The following ING5 variants were observed in gnomAD, a reference collection of about 807,000 sequenced individuals.
The protein encoded by ING5 is inhibitor of growth protein 5.
Under a neutral mutation model 37.4 loss-of-function variants are expected in ING5, and 17 were observed. The observed-to-expected ratio is 0.45, with a 90% CI of 0.31 to 0.68. The LOEUF is 0.68. Ranked by LOEUF, ING5 falls within the 30% of genes least tolerant of loss-of-function variation. ING5 has a pLI of 0.05. For synonymous variants in ING5, 123 were observed against 116.6 expected (o/e 1.06, Z -0.36); for missense variants, 233 against 311.9 (o/e 0.75, Z 1.91).
chr2:241,723,081 G>T lies in ING5; in HGVS notation c.618+7G>T, dbSNP rs1365120082. The stretch of plus-strand genomic sequence containing the variant: ...TGGCTGTGACAATCCAGACGTGAGT[G>T]TCGCCTGCAGGATTCGCGCCATGGG... On this transcript the variant is annotated splice_region_variant and intron_variant, in intron 6 of 7. Transcript: ENST00000313552. The T allele has an allele frequency of 1.2e-6, 2 of 1,614,138 alleles. No homozygotes were observed. Among genetic ancestry groups the T allele is most frequent in the African/African-American group, 2.7e-5 (2 of 74,956 alleles).
chr2:241,719,383 T>G, intron 5 of ING5: 15 of 591,384 alleles, frequency 2.5e-5, no homozygotes, highest in East Asian at 6.5e-5. Context: ...CACCCCCCAC[T>G]CTGGCTGCAG....
intron 5 of ING5, among the ~76,000 whole-genome samples, chr2:241,714,985 C>T (rs969509155): frequency 2.0e-5 from 3 of 152,022 alleles, no homozygotes; most frequent in Admixed American, 6.6e-5. Context: ...TGTTTCTACT[C>T]TCTATTTCCT....
intron 2 of ING5, among the ~76,000 whole-genome samples, chr2:241,705,437 G>A (rs1315851849): frequency 4.2e-5 from 5 of 119,974 alleles, no homozygotes; most frequent in East Asian, 5.4e-4. Context: ...TCACTCTGTT[G>A]CCCAGGCTAG....
intron 2 of ING5, among the ~76,000 whole-genome samples, chr2:241,705,636 G>A (rs577298557): frequency 2.9e-4 from 43 of 148,314 alleles, no homozygotes; most frequent in Non-Finnish European, 6.1e-4. Context: ...TTGATCTACT[G>A]ACCTCATGAT....
chr2:241,716,396 G>A (rs926739942), intron 5 of ING5, among the ~76,000 whole-genome samples: 2 of 148,246 alleles, frequency 1.3e-5, no homozygotes, highest in African/African-American at 2.5e-5. Context: ...AGGTTCAAGC[G>A]ATTCTCATGC....
intron 5 of ING5, among the ~76,000 whole-genome samples, chr2:241,715,120 ATATAT>A (rs1156374195): frequency 6.6e-5 from 10 of 151,998 alleles, no homozygotes; most frequent in Admixed American, 1.3e-4. Context: ...ACAAATTTTG[ATATAT>A]TATGATTTTG....
chr2:241,729,351 C>T lies in ING5; in HGVS notation c.*4320C>T, dbSNP rs1284726906. ...TTCAAGGAATTATTATCTATGTTCC[C>T]TTTGTAAAGGAAAGATAATGTTGTA... is the stretch of plus-strand genomic sequence containing the variant. On this transcript the variant is annotated 3_prime_UTR_variant, in exon 8 of 8. Coordinates refer to ENST00000313552, the MANE Select transcript of ING5 (RefSeq NM_032329.6). The T allele has an allele frequency of 6.6e-6, 1 of 152,458 alleles. No individual in the cohort carries two copies. Among genetic ancestry groups the T allele is most frequent in the East Asian group, 1.9e-4 (1 of 5,196 alleles). 9.4% of individuals were successfully genotyped at this position (152,458 alleles called of 1,614,324 possible). A position where few individuals can be genotyped will look rare whatever the true frequency, so the allele number is the denominator to read the frequency against.
Position 241,704,743 on chromosome 2 carries a change from A to G in ING5, c.109+19A>G, listed in dbSNP as rs745456829. 3 of 1,602,624 alleles carry G rather than the reference A, an allele frequency of 1.9e-6. No individual in the cohort carries two copies. Among genetic ancestry groups the G allele is most frequent in the East Asian group, 2.2e-5 (1 of 44,832 alleles). On this transcript the variant is annotated intron_variant, in intron 2 of 7. Coordinates refer to ENST00000313552, the MANE Select transcript of ING5 (RefSeq NM_032329.6). ...ACGGAAGGTGGGTTCAGACCTCTCC[A>G]TACAACCAGAACTGAGTTCTGACAG...
intron 5 of ING5, among the ~76,000 whole-genome samples, chr2:241,716,821 T>C (rs1315662233): frequency 2.0e-5 from 3 of 152,160 alleles, no homozygotes; most frequent in African/African-American, 7.2e-5. Context: ...TTAAAATATA[T>C]GTGGAATGTA....
Position 241,708,869 on chromosome 2 carries a change from A to G in ING5, c.110-347A>G, listed in dbSNP as rs146219035. Among the ~76,000 whole-genome samples, 1,143 of 152,302 alleles carry G rather than the reference A, an allele frequency of 7.5e-3. 10 individuals are homozygous for G. Among genetic ancestry groups the G allele is most frequent in the Non-Finnish European group, 0.011 (766 of 68,032 alleles). On this transcript the variant is annotated intron_variant, in intron 2 of 7. Transcript: ENST00000313552. The stretch of plus-strand genomic sequence containing the variant: ...CTTTCTTGACTGCTCTACCGGAAAA[A>G]AAGAAAAGGGAAAAAAGAGTAGTAT...
At chr2:241,702,946 C>T (rs936709309) in intron 1 of ING5, among the ~76,000 whole-genome samples, 7 of 152,210 alleles carry the variant, frequency 4.6e-5, no homozygotes, top group Non-Finnish European at 4.4e-5. Context: ...ACTGGGGATC[C>T]TCATGGTCTT....
chr2:241,700,601 A>C (rs1575118184), upstream of ING5, among the ~76,000 whole-genome samples: 2 of 151,798 alleles, frequency 1.3e-5, no homozygotes, highest in South Asian at 4.2e-4. Context: ...GATTACAGGT[A>C]CTTGCCACCA....
intron 1 of ING5, among the ~76,000 whole-genome samples, chr2:241,688,246 C>A (rs1164084481): frequency 3.3e-5 from 5 of 152,164 alleles, no homozygotes; most frequent in African/African-American, 1.2e-4. Flanking sequence ...CCTTTCGAGG[C>A]GATTATTCTT....
At chr2:241,710,103 T>TTTA (rs34336971) in intron 3 of ING5, among the ~76,000 whole-genome samples, 53,979 of 146,856 alleles carry the variant, frequency 0.37, 10,209 homozygotes, top group Middle Eastern at 0.43. Flanking sequence ...GTAGCCATAC[T>TTTA]TTATTATTAT....
In ING5 at chr2:241,728,647, G is replaced by A. The variant is rs1691711672; in HGVS notation, c.*3616G>A. 6.6e-6 allele frequency: 1 copy of A among 152,338 alleles called. No homozygotes were observed. Among genetic ancestry groups the A allele is most frequent in the Non-Finnish European group, 1.5e-5 (1 of 68,036 alleles). The allele number at this position is 152,338 out of a possible 1,614,324, so 9.4% of individuals were successfully genotyped here. A position where few individuals can be genotyped will look rare whatever the true frequency, so the allele number is the denominator to read the frequency against. On this transcript the variant is annotated 3_prime_UTR_variant, in exon 8 of 8. Coordinates refer to ENST00000313552, the MANE Select transcript of ING5 (RefSeq NM_032329.6). Reference sequence around the variant, plus strand: ...GGACATGGATGCCAAGCGGAGGCCTGCGTGGCCTCCTGAGCAGCAGCTGAC... The same window carrying A: ...GGACATGGATGCCAAGCGGAGGCCTACGTGGCCTCCTGAGCAGCAGCTGAC...
chr2:241,702,101 C>T lies in ING5; in HGVS notation c.36C>T (p.Asp12=). The change falls in exon 1 of 8, where the codon GAC becomes GAT. Residue 12 remains aspartate (D), a splice_region_variant and synonymous_variant. Coordinates refer to ENST00000313552, the MANE Select transcript of ING5 (RefSeq NM_032329.6). ...ATAMYLEHYL[D]SIENLPCELQ... Reference sequence around the variant, plus strand: ...CCATGTACTTGGAGCACTATCTGGACAGTAAGCGCGCCCCACGGGCCCCGC... The same window carrying T: ...CCATGTACTTGGAGCACTATCTGGATAGTAAGCGCGCCCCACGGGCCCCGC... 2 of 1,347,894 alleles carry T rather than the reference C, an allele frequency of 1.5e-6. No individual in the cohort carries two copies. Among genetic ancestry groups the T allele is most frequent in the Non-Finnish European group, 1.9e-6 (2 of 1,041,792 alleles). The allele number at this position is 1,347,894 out of a possible 1,614,324, so 83.5% of individuals were successfully genotyped here. A position where few individuals can be genotyped will look rare whatever the true frequency, so the allele number is the denominator to read the frequency against.
Position 241,726,271 on chromosome 2 carries a change from T to C in ING5, c.*1240T>C, listed in dbSNP as rs1691617958. The C allele has an allele frequency of 6.6e-6, 1 of 152,234 alleles. No individual in the cohort carries two copies. Among genetic ancestry groups the C allele is most frequent in the South Asian group, 2.1e-4 (1 of 4,828 alleles). The allele number at this position is 152,234 out of a possible 1,614,324, so 9.4% of individuals were successfully genotyped here. On this transcript the variant is annotated 3_prime_UTR_variant, in exon 8 of 8. Coordinates refer to ENST00000313552, the MANE Select transcript of ING5 (RefSeq NM_032329.6). Reference sequence around the variant, plus strand: ...AAACTGAGACGTGAGGTTCCTGATTTAAGAAGCCTGGGTTTCTTCATGGTG... The same window carrying C: ...AAACTGAGACGTGAGGTTCCTGATTCAAGAAGCCTGGGTTTCTTCATGGTG...
chr2:241,706,572 T>C (rs1395460899), intron 2 of ING5, among the ~76,000 whole-genome samples: 2 of 137,540 alleles, frequency 1.5e-5, no homozygotes, highest in Non-Finnish European at 3.0e-5. Context: ...AGGTTGCACC[T>C]GGAGATCGCA....
intron 7 of ING5, chr2:241,724,073 A>G (rs1163097422): frequency 3.5e-5 from 48 of 1,367,858 alleles, no homozygotes; most frequent in Non-Finnish European, 4.2e-5. Flanking sequence ...CTAAAAATGG[A>G]TATCTATGTT....
Sources: allele counts gnomAD v4.1 joint callset (sites outside exome capture counted in the v4.1 genomes callset), GRCh38; gene constraint gnomAD v4.1.1; transcripts MANE v1.5; gene names NCBI Gene and HGNC (gene_info 2026-07-23, HGNC 2026-07-21).